GLMN: variants seen among roughly 807,000 people sequenced by gnomAD.
The protein encoded by GLMN is glomulin.
Under a neutral mutation model 87.8 loss-of-function variants are expected in GLMN, and 75 were observed. That is an observed-to-expected ratio of 0.85 (90% CI 0.71 to 1.04). The LOEUF (loss-of-function observed/expected upper bound fraction) is 1.04, where lower values mean the gene tolerates loss of function less well. GLMN is among the 50% of genes least tolerant of loss of function. The probability of loss-of-function intolerance (pLI) is 0.00; values close to 1 mark genes in which losing one functional copy is unlikely to be tolerated. For missense variants in GLMN, 588 were observed against 658.8 expected (o/e 0.89, Z 1.18); for synonymous variants, 206 against 221.6 (o/e 0.93, Z 0.63).
chr1:92,355,848 A>G, the GLMN span, among the ~76,000 whole-genome samples: 1 of 152,216 alleles, frequency 6.6e-6, no homozygotes, highest in Non-Finnish European at 1.5e-5. Context: ...CCAAAATTCT[A>G]AAAAATCCAA....
chr1:92,303,585 ATATTT>A (rs1651013034), upstream of GLMN, among the ~76,000 whole-genome samples: 1 of 152,168 alleles, frequency 6.6e-6, no homozygotes, highest in Non-Finnish European at 1.5e-5. Context: ...AGGTAAAATT[ATATTT>A]TATTATTTTG....
chr1:92,281,236 C>T (rs1287452415), intron 7 of GLMN, among the ~76,000 whole-genome samples: 1 of 152,174 alleles, frequency 6.6e-6, no homozygotes, highest in Non-Finnish European at 1.5e-5. Flanking sequence ...AGGTTACCCA[C>T]AAAAGGAAGC....
the GLMN span, among the ~76,000 whole-genome samples, chr1:92,352,092 T>C: frequency 6.6e-6 from 1 of 152,224 alleles, no homozygotes; most frequent in African/African-American, 2.4e-5. Flanking sequence ...ATGCCCTTGA[T>C]GTTCTCTAAT....
chr1:92,261,707 A>G (rs1464584730), intron 16 of GLMN, among the ~76,000 whole-genome samples: 1 of 152,096 alleles, frequency 6.6e-6, no homozygotes, highest in African/African-American at 2.4e-5. Flanking sequence ...TTTTACTTCA[A>G]AGAAAAACTA....
intron 16 of GLMN, among the ~76,000 whole-genome samples, chr1:92,259,487 T>C (rs1654720996): frequency 6.6e-6 from 1 of 152,068 alleles, no homozygotes; most frequent in African/African-American, 2.4e-5. Flanking sequence ...TAACCCAAAA[T>C]AGCAAGAAAA....
At chr1:92,305,450 A>AAAAAAAAAAAAAAAAAAAC in the GLMN span, among the ~76,000 whole-genome samples, 12 of 141,852 alleles carry the variant, frequency 8.5e-5, 2 homozygotes, top group African/African-American at 3.6e-4. Context: ...AAAAAAAAAA[A>AAAAAAAAAAAAAAAAAAAC]AGACAATATG....
At chr1:92,250,829 T>C (rs1302036530) in intron 16 of GLMN, among the ~76,000 whole-genome samples, 1 of 152,188 alleles carries the variant, frequency 6.6e-6, no homozygotes, top group Admixed American at 6.5e-5. Flanking sequence ...CAAAGTCAGG[T>C]TTGTTGAGAT....
the GLMN span, among the ~76,000 whole-genome samples, chr1:92,337,910 T>C: frequency 6.6e-6 from 1 of 152,176 alleles, no homozygotes; most frequent in Non-Finnish European, 1.5e-5. Context: ...TAAAATCTAA[T>C]GTCTATTATT....
chr1:92,362,177 G>A, the GLMN span, among the ~76,000 whole-genome samples: 1 of 152,156 alleles, frequency 6.6e-6, no homozygotes, highest in Non-Finnish European at 1.5e-5. Flanking sequence ...AAGAGTGCTC[G>A]TTAAATTCAA....
In GLMN at chr1:92,298,250, T is replaced by G. The variant is rs142126810; in HGVS notation, c.-30-221A>C. On this transcript the variant is annotated intron_variant, in intron 1 of 18. Coordinates refer to ENST00000370360, the MANE Select transcript of GLMN (RefSeq NM_053274.3). ...TATGTTTGCCTAAGAAAATAAAGTG[T>G]TTTTTTAGAAGCCCTTATTGCATGT... is the stretch of plus-strand genomic sequence containing the variant. Among the ~76,000 whole-genome samples the G allele has an allele frequency of 8.9e-4, 136 of 152,226 alleles. 1 individual carries two copies. Among genetic ancestry groups the G allele is most frequent in the African/African-American group, 2.7e-3 (114 of 41,540 alleles).
At chr1:92,313,130 G>A in the GLMN span, among the ~76,000 whole-genome samples, 1 of 152,230 alleles carries the variant, frequency 6.6e-6, no homozygotes, top group South Asian at 2.1e-4. Context: ...GCTTCCCAAA[G>A]TGTTGGGATT....
At chr1:92,328,636 C>T in the GLMN span, among the ~76,000 whole-genome samples, 11 of 152,292 alleles carry the variant, frequency 7.2e-5, no homozygotes, top group South Asian at 2.1e-4. Flanking sequence ...CTTCTGAATC[C>T]TTTTTCTGGC....
At position 92,259,869 on chromosome 1, in the gene GLMN, A is replaced by G. The variant is rs373058963; in HGVS notation, c.1473+2994T>C. On this transcript the variant is annotated intron_variant, in intron 16 of 18. Coordinates refer to ENST00000370360, the MANE Select transcript of GLMN (RefSeq NM_053274.3). The stretch of plus-strand genomic sequence containing the variant: ...CTGCCTCAGCCTCCCGAGTAGCTGG[A>G]ACTATAGGCACCCGCCACCATGCCT... Among the ~76,000 whole-genome samples the G allele has an allele frequency of 9.4e-4, 141 of 150,572 alleles. 2 individuals carry two copies. The highest frequency in any genetic ancestry group is 2.4e-3 in the African/African-American group (100 of 40,996).
chr1:92,328,692 G>C, the GLMN span, among the ~76,000 whole-genome samples: 1 of 152,168 alleles, frequency 6.6e-6, no homozygotes, highest in East Asian at 1.9e-4. Context: ...TGGTGAGCTA[G>C]TATGATGTTT....
the GLMN span, among the ~76,000 whole-genome samples, chr1:92,370,331 C>A: frequency 2.6e-5 from 4 of 152,166 alleles, no homozygotes; most frequent in African/African-American, 9.6e-5. Flanking sequence ...GAAAGAACAC[C>A]ACTGCAAACA....
chr1:92,357,884 G>A, the GLMN span, among the ~76,000 whole-genome samples: 1 of 152,182 alleles, frequency 6.6e-6, no homozygotes, highest in East Asian at 1.9e-4. Context: ...GGTAATGAAA[G>A]TCATTTAAAT....
the GLMN span, among the ~76,000 whole-genome samples, chr1:92,350,954 A>G: frequency 6.6e-6 from 1 of 151,948 alleles, no homozygotes; most frequent in Non-Finnish European, 1.5e-5. Context: ...AGTCTTCTAT[A>G]AATATTTAGT....
At chr1:92,292,734 T>TTC (rs1649566235) in intron 3 of GLMN, among the ~76,000 whole-genome samples, 1 of 78,490 alleles carries the variant, frequency 1.3e-5, no homozygotes, top group African/African-American at 3.1e-5. Flanking sequence ...TTTCTTTTCT[T>TTC]TTTTTTTTTT....
At chr1:92,339,751 C>T in the GLMN span, among the ~76,000 whole-genome samples, 1 of 152,102 alleles carries the variant, frequency 6.6e-6, no homozygotes, top group East Asian at 1.9e-4. Context: ...CACAGTGGCT[C>T]ATGTCTGTAA....
Sources: gnomAD v4.1 joint callset for allele counts (sites outside exome capture counted in the v4.1 genomes callset) on GRCh38, gnomAD v4.1.1 for gene constraint, MANE v1.5 for transcripts, NCBI Gene and HGNC (gene_info 2026-07-23, HGNC 2026-07-21) for gene names.